The following CADM2 variants were observed in gnomAD, a reference collection of about 807,000 sequenced individuals.
CADM2 encodes cell adhesion molecule 2.
Under a neutral mutation model 49.8 loss-of-function variants are expected in CADM2, and 12 were observed. That is an observed-to-expected ratio of 0.24 (90% CI 0.15 to 0.39). The LOEUF (loss-of-function observed/expected upper bound fraction) is 0.39, where lower values mean the gene tolerates loss of function less well. Ranked by LOEUF, CADM2 falls within the 10% of genes least tolerant of loss-of-function variation. The pLI is 1.00. For missense variants in CADM2, 378 were observed against 492.3 expected (o/e 0.77, Z 2.20); for synonymous variants, 214 against 175.4 (o/e 1.22, Z -1.74).
chr3:85,877,694 T>TTC (rs1553701142), intron 3 of CADM2, among the ~76,000 whole-genome samples: 1 of 146,932 alleles, frequency 6.8e-6, no homozygotes, highest in Admixed American at 6.7e-5. Context: ...GTTTTTTTTT[T>TTC]TTTTTTTTTG....
chr3:85,941,028 A>G (rs1270925935), intron 7 of CADM2, among the ~76,000 whole-genome samples: 5 of 152,066 alleles, frequency 3.3e-5, no homozygotes, highest in Non-Finnish European at 5.9e-5. Context: ...TTACGACACC[A>G]AAGTCCAATG....
At chr3:85,895,636 T>C (rs928253955) in intron 5 of CADM2, among the ~76,000 whole-genome samples, 2 of 152,126 alleles carry the variant, frequency 1.3e-5, no homozygotes, top group African/African-American at 4.8e-5. Context: ...GAATTGTAGC[T>C]CCCATAATTC....
intron 2 of CADM2, among the ~76,000 whole-genome samples, chr3:85,786,569 A>G (rs1026533009): frequency 6.6e-6 from 1 of 152,086 alleles, no homozygotes; most frequent in Non-Finnish European, 1.5e-5. Context: ...GTTATTTTAC[A>G]TTGTTTTTAA....
At chr3:85,075,883 A>G (rs1314264308) in intron 1 of CADM2, among the ~76,000 whole-genome samples, 1 of 152,204 alleles carries the variant, frequency 6.6e-6, no homozygotes, top group Non-Finnish European at 1.5e-5. Context: ...ATACTCCATT[A>G]GATAACAACA....
chr3:85,804,737 A>G (rs1350019526), intron 3 of CADM2, among the ~76,000 whole-genome samples: 3 of 152,218 alleles, frequency 2.0e-5, no homozygotes, highest in African/African-American at 4.8e-5. Flanking sequence ...AAGCTAATGT[A>G]TCTTTCCTGG....
intron 1 of CADM2, among the ~76,000 whole-genome samples, chr3:85,056,962 G>A (rs900666576): frequency 6.6e-6 from 1 of 152,020 alleles, no homozygotes; most frequent in African/African-American, 2.4e-5. Context: ...AGAATGAATC[G>A]GTGTGAGGGT....
intron 5 of CADM2, among the ~76,000 whole-genome samples, chr3:85,902,488 T>C (rs927197892): frequency 5.9e-5 from 9 of 151,894 alleles, no homozygotes; most frequent in African/African-American, 1.9e-4. Flanking sequence ...GGCTTTTTGA[T>C]TGAATTTTTA....
At position 85,307,753 on chromosome 3, in the gene CADM2, T is replaced by A. The variant is rs111704818; in HGVS notation, c.61+348085T>A. Among the ~76,000 whole-genome samples, 1,112 of 151,744 alleles carry A rather than the reference T, an allele frequency of 7.3e-3. 15 individuals carry two copies. Among genetic ancestry groups the A allele is most frequent in the African/African-American group, 0.025 (1,045 of 41,514 alleles). On this transcript the variant is annotated intron_variant, in intron 1 of 9. Coordinates refer to ENST00000383699, the MANE Select transcript of CADM2 (RefSeq NM_001167675.2). ...TTAATTATGCATAAATATTTACATC[T>A]CAGGAAAAGTCAATGTTCAAAAAAT... is the stretch of plus-strand genomic sequence containing the variant.
At chr3:85,886,038 A>G in intron 4 of CADM2, 152 bp from the exon 5 acceptor site, 1 of 1,123,842 alleles carries the variant, frequency 8.9e-7, no homozygotes, top group Non-Finnish European at 1.2e-6. Flanking sequence ...ACACACACAT[A>G]TGAAGCAGTT....
At chr3:85,876,490 T>C (rs1711856699) in intron 3 of CADM2, among the ~76,000 whole-genome samples, 1 of 152,108 alleles carries the variant, frequency 6.6e-6, no homozygotes, top group South Asian at 2.1e-4. Context: ...TAATCCCAGT[T>C]TGGGAAAGTT....
intron 1 of CADM2, among the ~76,000 whole-genome samples, chr3:85,411,633 G>A (rs2035661321): frequency 6.6e-6 from 1 of 152,048 alleles, no homozygotes; most frequent in Non-Finnish European, 1.5e-5. Flanking sequence ...ACTAGGAACT[G>A]GTTTTCTGAA....
intron 1 of CADM2, among the ~76,000 whole-genome samples, chr3:85,488,936 T>C (rs2039546987): frequency 1.3e-5 from 2 of 152,182 alleles, no homozygotes; most frequent in South Asian, 4.1e-4. Flanking sequence ...ATGGACCTTC[T>C]TTTAATAACT....
At chr3:85,760,370 A>G (rs745862725) in intron 2 of CADM2, among the ~76,000 whole-genome samples, 1 of 150,932 alleles carries the variant, frequency 6.6e-6, no homozygotes, top group Non-Finnish European at 1.5e-5. Flanking sequence ...AAATCATTTT[A>G]TCTGAGCAGT....
At chr3:85,053,348 G>A (rs1329442888) in intron 1 of CADM2, among the ~76,000 whole-genome samples, 1 of 151,918 alleles carries the variant, frequency 6.6e-6, no homozygotes, top group Non-Finnish European at 1.5e-5. Context: ...CCCTGCAGTT[G>A]GGGACTGTAT....
At chr3:85,994,935 A>G (rs1393044350) in intron 8 of CADM2, among the ~76,000 whole-genome samples, 2 of 150,730 alleles carry the variant, frequency 1.3e-5, no homozygotes, top group African/African-American at 2.4e-5. Context: ...TGACACAGAC[A>G]TTAAATGAGC....
chr3:85,146,145 A>G (rs1310519904), intron 1 of CADM2, among the ~76,000 whole-genome samples: 2 of 152,170 alleles, frequency 1.3e-5, no homozygotes, highest in African/African-American at 2.4e-5. Flanking sequence ...AAACATTTAG[A>G]CCAGTGTCTT....
chr3:85,455,699 C>T (rs2037958588), intron 1 of CADM2, among the ~76,000 whole-genome samples: 1 of 152,090 alleles, frequency 6.6e-6, no homozygotes, highest in African/African-American at 2.4e-5. Context: ...TCACAAAGGG[C>T]CTTCTCAGCA....
At chr3:85,268,114 T>A (rs2043159478) in intron 1 of CADM2, among the ~76,000 whole-genome samples, 1 of 151,484 alleles carries the variant, frequency 6.6e-6, no homozygotes, top group African/African-American at 2.4e-5. Context: ...GTCTGGGATA[T>A]CAGGGAAAGA....
intron 2 of CADM2, among the ~76,000 whole-genome samples, chr3:85,774,541 A>G (rs2070262075): frequency 6.6e-6 from 1 of 151,618 alleles, no homozygotes; most frequent in Non-Finnish European, 1.5e-5. Context: ...TTTTTGCAAA[A>G]ATATTATCCT....
Sources: gnomAD v4.1 joint callset for allele counts (sites outside exome capture counted in the v4.1 genomes callset) on GRCh38, gnomAD v4.1.1 for gene constraint, MANE v1.5 for transcripts, NCBI Gene and HGNC (gene_info 2026-07-23, HGNC 2026-07-21) for gene names.